OTUD7A: variants seen among roughly 807,000 people sequenced by gnomAD.
The protein encoded by OTUD7A is OTU deubiquitinase 7A.
A neutral mutation model predicts 65.7 loss-of-function variants in OTUD7A; 12 were observed. The ratio of observed to expected loss-of-function variants is 0.18; its 90% CI spans 0.12 to 0.30. OTUD7A has a LOEUF of 0.30. OTUD7A is among the 10% of genes least tolerant of loss of function. The pLI, the probability that OTUD7A is intolerant of heterozygous loss-of-function variation, is 1.00. For synonymous variants in OTUD7A, 641 were observed against 586.3 expected (o/e 1.09, Z -1.35); for missense variants, 1,148 against 1,304.8 (o/e 0.88, Z 1.85).
intron 3 of OTUD7A, among the ~76,000 whole-genome samples, chr15:31,594,615 G>A (rs992437435): frequency 2.0e-5 from 3 of 152,232 alleles, no homozygotes; most frequent in Non-Finnish European, 2.9e-5. Context: ...ACAAATGACA[G>A]AAAAAGGCTG....
intron 1 of OTUD7A, among the ~76,000 whole-genome samples, chr15:31,796,720 T>C (rs1016478765): frequency 7.9e-5 from 12 of 151,226 alleles, no homozygotes; most frequent in Admixed American, 7.9e-4. Context: ...TACTTATATT[T>C]AGACAGAGCT....
intron 10 of OTUD7A, among the ~76,000 whole-genome samples, chr15:31,491,783 A>G (rs2041319953): frequency 6.6e-6 from 1 of 152,218 alleles, no homozygotes; most frequent in Non-Finnish European, 1.5e-5. Context: ...TACATTATAC[A>G]GAGAAAAACA....
intron 8 of OTUD7A, among the ~76,000 whole-genome samples, chr15:31,506,264 G>T (rs962868997): frequency 2.6e-5 from 4 of 151,152 alleles, no homozygotes; most frequent in African/African-American, 9.7e-5. Context: ...AAGGCAATTT[G>T]TCTGGTAGGT....
chr15:31,508,582 G>A (rs1188214530), intron 8 of OTUD7A, among the ~76,000 whole-genome samples: 2 of 152,200 alleles, frequency 1.3e-5, no homozygotes, highest in Non-Finnish European at 2.9e-5. Flanking sequence ...TTGATCTCCT[G>A]ACCTCATGAT....
chr15:31,661,187 G>A (rs1331044935), intron 1 of OTUD7A, among the ~76,000 whole-genome samples: 2 of 152,194 alleles, frequency 1.3e-5, no homozygotes, highest in Admixed American at 6.5e-5. Context: ...ATGGAAAGAT[G>A]GAAGAAAAGT....
At chr15:31,860,146 A>T (rs1191436697) in intron 1 of OTUD7A, among the ~76,000 whole-genome samples, 1 of 152,142 alleles carries the variant, frequency 6.6e-6, no homozygotes, top group Non-Finnish European at 1.5e-5. Context: ...TCATTCTTAA[A>T]AATCTATGGA....
chr15:31,555,899 T>C (rs1024069375), intron 5 of OTUD7A: 6 of 144,412 alleles, frequency 4.2e-5, no homozygotes, highest in African/African-American at 1.3e-4. Flanking sequence ...TGGAGTGCAG[T>C]GGTGTGATCA....
At chr15:31,580,805 T>C (rs57430108) in intron 3 of OTUD7A, among the ~76,000 whole-genome samples, 5,789 of 152,212 alleles carry the variant, frequency 0.038, 283 homozygotes, top group African/African-American at 0.12. Context: ...CCTTGACACA[T>C]GGGGATTATT....
intron 1 of OTUD7A, among the ~76,000 whole-genome samples, chr15:31,850,542 T>G (rs1897396932): frequency 6.7e-6 from 1 of 149,784 alleles, no homozygotes; most frequent in Admixed American, 6.7e-5. Context: ...ACATGTACCC[T>G]CAAACTTAAA....
chr15:31,699,684 G>T (rs1406844255), intron 1 of OTUD7A, among the ~76,000 whole-genome samples: 1 of 152,026 alleles, frequency 6.6e-6, no homozygotes, highest in Admixed American at 6.5e-5. Context: ...GAGGCAGCCC[G>T]TATCGGCCTC....
Position 31,483,940 on chromosome 15 carries a change from C to T in OTUD7A, c.2156G>A (p.Gly719Asp). Residue 719 changes from glycine to aspartate, a missense_variant, in exon 13 of 13, where the codon GGC becomes GAC. Transcript: ENST00000307050. ...CTTGAGCACCAGCTGCGTGGGTGGG[C>T]CCGGAGAGGCGCGCTCCGGGACCGG... Reference protein sequence around the residue: ...GVPVPERASPGPPTQLVLKLK... With the variant: ...GVPVPERASPDPPTQLVLKLK... 9.0e-7 allele frequency: 1 copy of T among 1,108,826 alleles called. No homozygotes were observed. Among genetic ancestry groups the T allele is most frequent in the South Asian group, 2.6e-5 (1 of 38,126 alleles). 68.7% of individuals were successfully genotyped at this position (1,108,826 alleles called of 1,614,324 possible).
At chr15:31,817,570 T>C (rs1896582604) in intron 1 of OTUD7A, among the ~76,000 whole-genome samples, 2 of 152,216 alleles carry the variant, frequency 1.3e-5, no homozygotes, top group South Asian at 2.1e-4. Context: ...TTTGTTCTCC[T>C]GTGGGCTCCG....
intron 5 of OTUD7A, among the ~76,000 whole-genome samples, chr15:31,547,225 T>C (rs1448592340): frequency 1.3e-5 from 2 of 152,264 alleles, no homozygotes; most frequent in Non-Finnish European, 2.9e-5. Context: ...ATTTTATTTT[T>C]TCCATAAAAT....
chr15:31,762,541 C>T (rs1894994539), intron 1 of OTUD7A, among the ~76,000 whole-genome samples: 1 of 152,206 alleles, frequency 6.6e-6, no homozygotes, highest in South Asian at 2.1e-4. Flanking sequence ...TGTGCATGCA[C>T]GAATCTAACC....
At chr15:31,812,031 G>A (rs1309934498) in intron 1 of OTUD7A, among the ~76,000 whole-genome samples, 1 of 152,218 alleles carries the variant, frequency 6.6e-6, no homozygotes, top group Non-Finnish European at 1.5e-5. Context: ...CCTTCCCAGG[G>A]ATGGGGCAGG....
chr15:31,779,860 G>A (rs942581129), intron 1 of OTUD7A, among the ~76,000 whole-genome samples: 2 of 152,040 alleles, frequency 1.3e-5, no homozygotes, highest in Non-Finnish European at 2.9e-5. Context: ...ATGGGGGTTT[G>A]GAACTCATTC....
chr15:31,863,517 G>A (rs1897798895), intron 1 of OTUD7A, among the ~76,000 whole-genome samples: 1 of 152,208 alleles, frequency 6.6e-6, no homozygotes, highest in Non-Finnish European at 1.5e-5. Context: ...ACAGCACCTG[G>A]AAGCTGCTAA....
rs539416621 is a variant in OTUD7A at position 31,678,400 on chromosome 15, G to A, written c.-99-21323C>T. Among the ~76,000 whole-genome samples the A allele has an allele frequency of 2.0e-5, 3 of 152,308 alleles. No individual in the cohort carries two copies. The South Asian group carries it at 6.2e-4, about 32-fold the overall frequency. ...GCCAAATGTTAATCACCAAGATAAT[G>A]GGGAAAATGTCTCCAGGGCATGTCA... On this transcript the variant is annotated intron_variant, in intron 1 of 12. Transcript: ENST00000307050.
chr15:31,727,613 T>G (rs746313940), intron 1 of OTUD7A, among the ~76,000 whole-genome samples: 1 of 152,194 alleles, frequency 6.6e-6, no homozygotes, highest in Non-Finnish European at 1.5e-5. Context: ...TATCCTTCAT[T>G]CATTCTTCAA....
Sources: allele counts gnomAD v4.1 joint callset (sites outside exome capture counted in the v4.1 genomes callset), GRCh38; gene constraint gnomAD v4.1.1; transcripts MANE v1.5; gene names NCBI Gene and HGNC (gene_info 2026-07-23, HGNC 2026-07-21).